GDA: variants seen among roughly 807,000 people sequenced by gnomAD.
The protein encoded by GDA is cytoplasmic PSD-95 interactor.
A neutral mutation model predicts 59.6 loss-of-function variants in GDA; 18 were observed. The ratio of observed to expected loss-of-function variants is 0.30; its 90% CI spans 0.21 to 0.45. The LOEUF is 0.45. Among genes scored for constraint, GDA ranks in the 20% least tolerant of loss-of-function variants. The pLI is 1.00. For missense variants in GDA, 427 were observed against 552.3 expected, an observed-to-expected ratio of 0.77 and a Z score of 2.27; for synonymous variants, 201 against 201.1, an observed-to-expected ratio of 1.00 and a Z score of 0.00.
At chr9:72,173,517 G>C (rs372880985) in intron 1 of GDA, among the ~76,000 whole-genome samples, 1 of 151,754 alleles carries the variant, frequency 6.6e-6, no homozygotes, top group Non-Finnish European at 1.5e-5. Flanking sequence ...TTTTCGGAGG[G>C]GCAGGATTTC....
At chr9:72,253,595 T>G (rs151270938), downstream of GDA, 93 of 152,304 alleles carry the variant, frequency 6.1e-4, no homozygotes, top group African/African-American at 2.1e-3. Flanking sequence ...ACCAGACTCA[T>G]GCGAGAGGTA....
chr9:72,161,902 T>TA (rs1293615941), intron 1 of GDA, among the ~76,000 whole-genome samples: 1 of 152,220 alleles, frequency 6.6e-6, no homozygotes, highest in African/African-American at 2.4e-5. Context: ...AAGAAATAGT[T>TA]AATCAACATT....
chr9:72,191,290 A>G (rs1254959096), intron 1 of GDA, among the ~76,000 whole-genome samples: 1 of 152,072 alleles, frequency 6.6e-6, no homozygotes, highest in Non-Finnish European at 1.5e-5. Context: ...CTGCATGGCT[A>G]CTCAGGTGCA....
In GDA at chr9:72,236,776, A is replaced by T. The variant is rs13292413; in HGVS notation, c.989-4376A>T. On this transcript the variant is annotated intron_variant, in intron 10 of 13. Transcript: ENST00000358399. Reference sequence around the variant, plus strand: ...TAAGCAAAGAAACAAAACCACTCCTATTTTTTTTTTTTTTTTTTTTTGAGA... The same window carrying T: ...TAAGCAAAGAAACAAAACCACTCCTTTTTTTTTTTTTTTTTTTTTTTGAGA... Among the ~76,000 whole-genome samples, 868 of 101,302 alleles carry T rather than the reference A, an allele frequency of 8.6e-3. 25 individuals are homozygous for T. The highest frequency in any genetic ancestry group is 0.03 in the Middle Eastern group (6 of 198). The allele number at this position is 101,302 out of a possible 152,430, so 66.5% of individuals were successfully genotyped here.
intron 1 of GDA, among the ~76,000 whole-genome samples, chr9:72,132,469 C>T (rs1826058283): frequency 6.6e-6 from 1 of 152,166 alleles, no homozygotes; most frequent in African/African-American, 2.4e-5. Flanking sequence ...ATTGCTGTGA[C>T]AGACAGTAGT....
At chr9:72,148,342 TGTG>T (rs1826781612), upstream of GDA, among the ~76,000 whole-genome samples, 1 of 151,138 alleles carries the variant, frequency 6.6e-6, no homozygotes, top group African/African-American at 2.4e-5. Context: ...TGTGTGTGTG[TGTG>T]TGTGTGTATT....
chr9:72,160,724 T>TA (rs1245280406), intron 1 of GDA, among the ~76,000 whole-genome samples: 2 of 152,276 alleles, frequency 1.3e-5, no homozygotes, highest in East Asian at 1.9e-4. Flanking sequence ...AGCAGCTGGT[T>TA]AAAAAAAATC....
At position 72,213,696 on chromosome 9, in the gene GDA, G is replaced by A. The variant is rs975501882; in HGVS notation, c.473-190G>A. ...CGGGCGCCTGTAGTCCCAGCTACTC[G>A]GGAGGCTGAGGCAGGAGAATGGCAT... is the stretch of plus-strand genomic sequence containing the variant. On this transcript the variant is annotated intron_variant, in intron 4 of 13. Transcript: ENST00000358399. 7.9e-5 allele frequency among the ~76,000 whole-genome samples: 12 copies of A among 151,776 alleles called. No individual in the cohort carries two copies. In the South Asian group the frequency reaches 2.1e-3, roughly 26 times the overall value.
chr9:72,235,053 G>A (rs778137182), intron 10 of GDA, among the ~76,000 whole-genome samples: 2 of 152,076 alleles, frequency 1.3e-5, no homozygotes, highest in Non-Finnish European at 2.9e-5. Flanking sequence ...CAAATGAAGG[G>A]CCATGGGGGG....
intron 3 of GDA, among the ~76,000 whole-genome samples, chr9:72,205,688 C>G (rs1309280420): frequency 6.6e-6 from 1 of 152,196 alleles, no homozygotes; most frequent in Non-Finnish European, 1.5e-5. Context: ...CTGTGATTGG[C>G]TGAGACTCAG....
At chr9:72,136,833 G>A (rs1161435923) in intron 1 of GDA, among the ~76,000 whole-genome samples, 1 of 151,968 alleles carries the variant, frequency 6.6e-6, no homozygotes, top group African/African-American at 2.4e-5. Flanking sequence ...AAATTAGCCG[G>A]GCATGGTGGC....
intron 10 of GDA, among the ~76,000 whole-genome samples, chr9:72,234,021 T>C (rs1426171886): frequency 2.0e-5 from 3 of 152,014 alleles, no homozygotes; most frequent in Non-Finnish European, 2.9e-5. Context: ...CCAGAAACAA[T>C]CCAAACATCT....
At chr9:72,165,755 G>T (rs146275443) in intron 1 of GDA, among the ~76,000 whole-genome samples, 3 of 151,436 alleles carry the variant, frequency 2.0e-5, no homozygotes, top group Non-Finnish European at 4.4e-5. Context: ...AAAATTAGCC[G>T]GGCATGATGG....
At chr9:72,145,318 G>C (rs1215938307), upstream of GDA, among the ~76,000 whole-genome samples, 1 of 152,216 alleles carries the variant, frequency 6.6e-6, no homozygotes, top group East Asian at 1.9e-4. Flanking sequence ...ACAATTCCTG[G>C]GAGTTTACTG....
At chr9:72,149,785 G>T in intron 1 of GDA, 103 bp downstream of exon 1, 1 of 1,204,102 alleles carries the variant, frequency 8.3e-7, no homozygotes, top group South Asian at 1.6e-5. Context: ...GGTGCGCAGT[G>T]AGCGCCGCGG....
chr9:72,215,035 A>G (rs1431121712), intron 5 of GDA, among the ~76,000 whole-genome samples: 1 of 152,104 alleles, frequency 6.6e-6, no homozygotes, highest in African/African-American at 2.4e-5. Flanking sequence ...TGCCCGGCTC[A>G]AAGTTCTTTC....
chr9:72,123,829 G>T (rs1825759747), intron 1 of GDA, among the ~76,000 whole-genome samples: 1 of 152,104 alleles, frequency 6.6e-6, no homozygotes, highest in Non-Finnish European at 1.5e-5. Flanking sequence ...TTGTGAAATA[G>T]AACTTGTGCA....
At chr9:72,125,738 A>G (rs2130593914) in intron 1 of GDA, among the ~76,000 whole-genome samples, 1 of 152,306 alleles carries the variant, frequency 6.6e-6, no homozygotes, top group Middle Eastern at 3.4e-3. Flanking sequence ...AGCTTCTAAA[A>G]TTGAATGAGT....
At chr9:72,252,385 A>T (rs1478401748), downstream of GDA, among the ~76,000 whole-genome samples, 1 of 152,188 alleles carries the variant, frequency 6.6e-6, no homozygotes, top group East Asian at 1.9e-4. Flanking sequence ...ATCCTATAAT[A>T]GTCACTATAC....
Sources: allele counts gnomAD v4.1 joint callset (sites outside exome capture counted in the v4.1 genomes callset), GRCh38; gene constraint gnomAD v4.1.1; transcripts MANE v1.5; gene names NCBI Gene and HGNC (gene_info 2026-07-23, HGNC 2026-07-21).